The following KAT6A variants were observed in gnomAD, a reference collection of about 807,000 sequenced individuals.
The protein encoded by KAT6A is lysine acetyltransferase 6A, also known as histone acetyltransferase KAT6A.
KAT6A carries 9 observed loss-of-function variants against 198.4 expected under a neutral mutation model. That is an observed-to-expected ratio of 0.05 (90% confidence interval 0.03 to 0.08). KAT6A has a LOEUF of 0.08. KAT6A is among the 10% of genes least tolerant of loss of function. The pLI is 1.00. For synonymous variants in KAT6A, 890 were observed against 883.0 expected (o/e 1.01, Z -0.14); for missense variants, 2,077 against 2,509.9 (o/e 0.83, Z 3.69).
chr8:42,045,947 T>C (rs1802266566), intron 2 of KAT6A, among the ~76,000 whole-genome samples: 1 of 151,992 alleles, frequency 6.6e-6, no homozygotes. Flanking sequence ...ATCACACCAC[T>C]GCACTCCAGT....
chr8:41,978,808 G>A, intron 5 of KAT6A, 31 bp from the exon 6 acceptor site: 1 of 1,601,442 alleles, frequency 6.2e-7, no homozygotes, highest in African/African-American at 1.3e-5. Context: ...ACATAGAAGT[G>A]TGACAGACAT....
intron 2 of KAT6A, among the ~76,000 whole-genome samples, chr8:42,032,033 C>T (rs996129565): frequency 1.3e-5 from 2 of 151,540 alleles, no homozygotes; most frequent in African/African-American, 2.4e-5. Context: ...GGGTTCACGC[C>T]GTTCTCCTGC....
chr8:41,938,672 C>A (rs537325629), intron 15 of KAT6A, among the ~76,000 whole-genome samples: 1 of 152,044 alleles, frequency 6.6e-6, no homozygotes, highest in Non-Finnish European at 1.5e-5. Context: ...GGAGGCCAGG[C>A]GCGGTGGCTC....
chr8:42,014,421 C>T (rs920750798), intron 2 of KAT6A, among the ~76,000 whole-genome samples: 3 of 152,198 alleles, frequency 2.0e-5, no homozygotes, highest in Admixed American at 2.0e-4. Context: ...CCAAACTCCA[C>T]AGAAAAATCA....
chr8:41,984,321 A>G (rs555283867), intron 3 of KAT6A, among the ~76,000 whole-genome samples: 1 of 152,322 alleles, frequency 6.6e-6, no homozygotes, highest in Non-Finnish European at 1.5e-5. Flanking sequence ...TCTCTCTCAG[A>G]CACTCATCGG....
chr8:41,973,971 C>G (rs1265183803), intron 8 of KAT6A, among the ~76,000 whole-genome samples: 1 of 152,176 alleles, frequency 6.6e-6, no homozygotes, highest in African/African-American at 2.4e-5. Context: ...TCACAAATCT[C>G]TCCTATAGTT....
chr8:41,996,666 C>T (rs910353250), intron 2 of KAT6A, among the ~76,000 whole-genome samples: 3 of 152,154 alleles, frequency 2.0e-5, no homozygotes, highest in African/African-American at 7.2e-5. Context: ...CTCTGTCTTG[C>T]GTGCTCGCTT....
intron 8 of KAT6A, among the ~76,000 whole-genome samples, chr8:41,960,770 C>CAT (rs1823168372): frequency 6.6e-6 from 1 of 152,066 alleles, no homozygotes; most frequent in Non-Finnish European, 1.5e-5. Flanking sequence ...CCGGAGGACC[C>CAT]ATAATCCAGT....
chr8:41,977,112 G>C lies in KAT6A; in HGVS notation c.1259C>G (p.Ser420Cys). ...IDGLTKFFTP[S>C]PDGRKARGEV... ...CCCCCGAGCTTTCCGCCCATCAGGG[G>C]AAGGGGTAAAAAATTTGGTAAGGCC... Residue 420 changes from serine (S) to cysteine (C), a missense_variant, in exon 7 of 17, where the codon TCC becomes TGC. Physicochemically the swap from Ser to Cys is moderately radical, Grantham distance 112. This residue lies in a region of KAT6A where 206 missense variants were observed against 214.9 expected (regional missense o/e 0.96). Coordinates refer to ENST00000265713, the MANE Select transcript of KAT6A (RefSeq NM_006766.5). The C allele has an allele frequency of 6.2e-7, 1 of 1,614,184 alleles. No homozygotes were observed. The highest frequency in any genetic ancestry group is 8.5e-7 in the Non-Finnish European group (1 of 1,180,024).
At chr8:42,014,949 T>G (rs2150911065) in intron 2 of KAT6A, among the ~76,000 whole-genome samples, 1 of 152,256 alleles carries the variant, frequency 6.6e-6, no homozygotes, top group Non-Finnish European at 1.5e-5. Context: ...AAGGATAGAT[T>G]ATGGGTTCAG....
Position 41,995,671 on chromosome 8 carries a change from TTTC to T in KAT6A, c.601-8111_601-8109del, listed in dbSNP as rs1269745832. Among the ~76,000 whole-genome samples, 16 of 132,916 alleles carry T rather than the reference TTTC, an allele frequency of 1.2e-4. 1 individual carries two copies. Among genetic ancestry groups the T allele is most frequent in the African/African-American group, 4.7e-4 (16 of 33,984 alleles). The allele number at this position is 132,916 out of a possible 152,430, so 87.2% of individuals were successfully genotyped here. A position where few individuals can be genotyped will look rare whatever the true frequency, so the allele number is the denominator to read the frequency against. On this transcript the variant is annotated intron_variant, in intron 2 of 16. Coordinates refer to ENST00000265713, the MANE Select transcript of KAT6A (RefSeq NM_006766.5). ...TCCCATCTAAAAAGTCCAATTTTCA[TTTC>T]TTTTTTTTTTTTTTTTTTTGAGATG...
At chr8:42,038,220 A>G (rs1299942808) in intron 2 of KAT6A, among the ~76,000 whole-genome samples, 1 of 152,182 alleles carries the variant, frequency 6.6e-6, no homozygotes, top group Non-Finnish European at 1.5e-5. Context: ...CCAAAACTCA[A>G]GGAGTACTTT....
chr8:41,967,912 G>T (rs1823592708), intron 8 of KAT6A, among the ~76,000 whole-genome samples: 4 of 152,024 alleles, frequency 2.6e-5, no homozygotes, highest in Admixed American at 1.3e-4. Flanking sequence ...GGGAAAACTG[G>T]CTACCCATAT....
At chr8:41,989,409 T>C (rs1222217089) in intron 2 of KAT6A, among the ~76,000 whole-genome samples, 2 of 151,948 alleles carry the variant, frequency 1.3e-5, no homozygotes, top group Non-Finnish European at 2.9e-5. Flanking sequence ...CTCGGGAGAC[T>C]GAAGCAGAAG....
intron 2 of KAT6A, among the ~76,000 whole-genome samples, chr8:42,029,621 G>A (rs1827008227): frequency 6.7e-6 from 1 of 149,724 alleles, no homozygotes; most frequent in Non-Finnish European, 1.5e-5. Context: ...CTGGAGTGCA[G>A]TGGCATGATC....
intron 8 of KAT6A, among the ~76,000 whole-genome samples, chr8:41,970,760 G>C (rs1823751467): frequency 6.6e-6 from 1 of 152,192 alleles, no homozygotes. Flanking sequence ...CTGCTATAAA[G>C]ACACATGCAC....
intron 2 of KAT6A, among the ~76,000 whole-genome samples, chr8:42,012,846 T>C (rs1430559716): frequency 1.3e-5 from 2 of 152,148 alleles, no homozygotes; most frequent in Non-Finnish European, 2.9e-5. Context: ...CAAACTATGG[T>C]GTACCTACCA....
chr8:41,995,165 G>A (rs552075103), intron 2 of KAT6A, among the ~76,000 whole-genome samples: 5 of 152,126 alleles, frequency 3.3e-5, no homozygotes, highest in Non-Finnish European at 5.9e-5. Flanking sequence ...GATATAATAA[G>A]AGTACCTTAC....
At position 41,970,223 on chromosome 8, in the gene KAT6A, G is replaced by C. The variant is rs565666108; in HGVS notation, c.1482+4481C>G. Among the ~76,000 whole-genome samples the C allele has an allele frequency of 7.1e-4, 108 of 152,280 alleles. 1 individual carries two copies. Among genetic ancestry groups the C allele is most frequent in the African/African-American group, 2.4e-3 (101 of 41,538 alleles). On this transcript the variant is annotated intron_variant, in intron 8 of 16. Coordinates refer to ENST00000265713, the MANE Select transcript of KAT6A (RefSeq NM_006766.5). ...AATGAATAAGCCTCATGGAGAAATA[G>C]CACCATCATCAGAATTTCAGTGCAC...
Sources: allele counts gnomAD v4.1 joint callset (sites outside exome capture counted in the v4.1 genomes callset), GRCh38; gene constraint gnomAD v4.1.1; regional missense constraint gnomAD v4.1.1; transcripts MANE v1.5; gene names NCBI Gene and HGNC (gene_info 2026-07-23, HGNC 2026-07-21).